Variants in DISC1 observed in about 807,000 individuals in gnomAD.
The protein encoded by DISC1 is disrupted in schizophrenia 1 protein.
In DISC1, 57 loss-of-function variants were observed where a neutral mutation model predicts 84.5. The ratio of observed to expected loss-of-function variants is 0.67; its 90% CI spans 0.55 to 0.84. The LOEUF is 0.84. Ranked by LOEUF, DISC1 falls within the 40% of genes least tolerant of loss-of-function variation. The pLI is 0.00. For missense variants in DISC1, 1,000 were observed against 1,057.8 expected, an observed-to-expected ratio of 0.95 and a Z score of 0.76; for synonymous variants, 411 against 415.2, an observed-to-expected ratio of 0.99 and a Z score of 0.12.
intron 9 of DISC1, among the ~76,000 whole-genome samples, chr1:231,887,083 A>T (rs189117813): frequency 7.2e-5 from 11 of 151,784 alleles, no homozygotes; most frequent in African/African-American, 2.7e-4. Flanking sequence ...GATGGTCTCG[A>T]TCTCTTGACC....
rs573566451 is a variant in DISC1, at chr1:231,678,167, C to T, written c.68-15659C>T. Among the ~76,000 whole-genome samples, 14 of 152,130 alleles carry T rather than the reference C, an allele frequency of 9.2e-5. No individual in the cohort carries two copies. In the South Asian group the frequency reaches 1.7e-3, roughly 18 times the overall value. On this transcript the variant is annotated intron_variant, in intron 1 of 12. Transcript: ENST00000439617. ...CAGGAAGGCAAGACTGGAATGAGAT[C>T]GTAAATAAAAAAATGGACATCTAAT... is the stretch of plus-strand genomic sequence containing the variant.
chr1:231,642,543 T>C lies in DISC1; in HGVS notation c.67+15609T>C, dbSNP rs547083112. On this transcript the variant is annotated intron_variant, in intron 1 of 12. Transcript: ENST00000439617. Reference sequence around the variant, plus strand: ...TTGATACCAAATGTATCATGGACAGTGAAGGCTGTGTAACAACACATATAG... The same window carrying C: ...TTGATACCAAATGTATCATGGACAGCGAAGGCTGTGTAACAACACATATAG... Among the ~76,000 whole-genome samples, 7 of 152,298 alleles carry C rather than the reference T, an allele frequency of 4.6e-5. No individual in the cohort carries two copies. In the East Asian group the frequency reaches 1.4e-3, roughly 29 times the overall value.
chr1:231,897,502 A>T lies in DISC1; in HGVS notation c.1982-61326A>T, dbSNP rs893470135. Reference sequence around the variant, plus strand: ...TTCTTTCACACATACAGCGCAGACTAAATCGTCTTTTTCTTTATCTTTTTT... The same window carrying T: ...TTCTTTCACACATACAGCGCAGACTTAATCGTCTTTTTCTTTATCTTTTTT... On this transcript the variant is annotated intron_variant, in intron 9 of 12. Coordinates refer to ENST00000439617, the MANE Select transcript of DISC1 (RefSeq NM_018662.3). This position sits in a 1 kb window ranked among gnomAD's most constrained non-coding sequence, Gnocchi z 4.5. 2.6e-5 allele frequency among the ~76,000 whole-genome samples: 4 copies of T among 152,184 alleles called. No homozygotes were observed. The highest frequency in any genetic ancestry group is 9.6e-5 in the African/African-American group (4 of 41,454).
At chr1:231,999,771 G>A (rs531366382) in intron 10 of DISC1, among the ~76,000 whole-genome samples, 155 of 151,876 alleles carry the variant, frequency 1.0e-3, no homozygotes, top group Non-Finnish European at 1.9e-3. Context: ...CACCATCAGG[G>A]ACCAGTGGAA....
chr1:232,012,224 G>A (rs821630), intron 11 of DISC1, among the ~76,000 whole-genome samples: 45,801 of 152,074 alleles, frequency 0.3, 7,192 homozygotes, highest in Non-Finnish European at 0.31. Context: ...GAGTTTGGGG[G>A]TGCTTGAGAT....
chr1:231,951,667 CTCTT>C (rs1373496502), intron 9 of DISC1, among the ~76,000 whole-genome samples: 1 of 152,166 alleles, frequency 6.6e-6, no homozygotes, highest in Admixed American at 6.5e-5. Flanking sequence ...ATTGATGTGA[CTCTT>C]TCTGTTACCA....
At position 231,859,768 on chromosome 1, in the gene DISC1, G is replaced by A. The variant is rs185031090; in HGVS notation, c.1981+41251G>A. ...GTTTTTCTTCTTAAGAAAACAAGAAGCACGGGTAGATGATGGAGAGCATGA... is the reference window on the plus strand; with the variant it reads ...GTTTTTCTTCTTAAGAAAACAAGAAACACGGGTAGATGATGGAGAGCATGA... On this transcript the variant is annotated intron_variant, in intron 9 of 12. Coordinates refer to ENST00000439617, the MANE Select transcript of DISC1 (RefSeq NM_018662.3). 9.0e-4 allele frequency among the ~76,000 whole-genome samples: 137 copies of A among 152,262 alleles called. 2 individuals carry two copies. Among genetic ancestry groups the A allele is most frequent in the Non-Finnish European group, 1.5e-4 (10 of 68,026 alleles).
At chr1:231,783,878 G>T (rs756881697) in intron 6 of DISC1, among the ~76,000 whole-genome samples, 2 of 152,108 alleles carry the variant, frequency 1.3e-5, no homozygotes, top group South Asian at 4.1e-4. Flanking sequence ...AAATCCTTAC[G>T]TTCATTTTTT....
chr1:231,648,341 T>C (rs1470845917), intron 1 of DISC1, among the ~76,000 whole-genome samples: 2 of 152,214 alleles, frequency 1.3e-5, no homozygotes, highest in African/African-American at 2.4e-5. Context: ...ATTGGTTCTG[T>C]TTATGTGATG....
intron 3 of DISC1, among the ~76,000 whole-genome samples, chr1:231,724,938 T>G (rs937958997): frequency 8.5e-5 from 13 of 152,200 alleles, no homozygotes; most frequent in African/African-American, 3.1e-4. Context: ...TCTACAGGAT[T>G]TGGTCTACAT....
intron 9 of DISC1, among the ~76,000 whole-genome samples, chr1:231,953,314 G>T (rs1205322094): frequency 3.9e-5 from 6 of 152,106 alleles, no homozygotes; most frequent in South Asian, 2.1e-4. Flanking sequence ...TTGCCCTTCA[G>T]TGTGAAATTT....
At chr1:231,862,576 G>T (rs756137671) in intron 9 of DISC1, among the ~76,000 whole-genome samples, 1 of 152,102 alleles carries the variant, frequency 6.6e-6, no homozygotes, top group South Asian at 2.1e-4. Context: ...CTTAAGGGTG[G>T]TATCCAGACA....
At chr1:231,885,288 A>G (rs1324141046) in intron 9 of DISC1, among the ~76,000 whole-genome samples, 9 of 152,190 alleles carry the variant, frequency 5.9e-5, no homozygotes, top group African/African-American at 2.2e-4. Context: ...GGGAAGGATT[A>G]ATTGGATTTT....
chr1:232,010,549 G>C (rs1187516363), intron 11 of DISC1, among the ~76,000 whole-genome samples: 1 of 152,128 alleles, frequency 6.6e-6, no homozygotes, highest in Non-Finnish European at 1.5e-5. Context: ...GGAGAAAAAT[G>C]AATATCTTTC....
chr1:231,674,125 G>A (rs1393933337), intron 1 of DISC1, among the ~76,000 whole-genome samples: 6 of 152,152 alleles, frequency 3.9e-5, no homozygotes, highest in African/African-American at 1.4e-4. Flanking sequence ...CAGTTTTGGC[G>A]AGGATTAAAT....
chr1:231,660,171 A>G (rs2061456933), intron 1 of DISC1, among the ~76,000 whole-genome samples: 1 of 151,436 alleles, frequency 6.6e-6, no homozygotes, highest in South Asian at 2.1e-4. Context: ...TATTGGATGC[A>G]TATATATTTA....
At position 231,808,645 on chromosome 1, in the gene DISC1, G is replaced by A. The variant is rs146468865; in HGVS notation, c.1792+8435G>A. Among the ~76,000 whole-genome samples the A allele has an allele frequency of 1.7e-3, 254 of 152,320 alleles. 1 individual carries two copies. Among genetic ancestry groups the A allele is most frequent in the African/African-American group, 5.8e-3 (242 of 41,578 alleles). On this transcript the variant is annotated intron_variant, in intron 8 of 12. Transcript: ENST00000439617. ...TTTCATAGGATGCTGCTTTTACCTG[G>A]TAGATGGCCCAATGCCTAGTTGTCT...
intron 10 of DISC1, among the ~76,000 whole-genome samples, chr1:231,995,920 A>T (rs1665890775): frequency 6.6e-6 from 1 of 151,796 alleles, no homozygotes; most frequent in Non-Finnish European, 1.5e-5. Flanking sequence ...CGCCACACTG[A>T]CTTCCACAAT....
chr1:231,654,232 C>T (rs975455275), intron 1 of DISC1, among the ~76,000 whole-genome samples: 1 of 152,024 alleles, frequency 6.6e-6, no homozygotes, highest in Non-Finnish European at 1.5e-5. Flanking sequence ...AATAGACAAA[C>T]GTCTTTAAAA....
Sources: allele counts gnomAD v4.1 joint callset (sites outside exome capture counted in the v4.1 genomes callset), GRCh38; gene constraint gnomAD v4.1.1; non-coding constraint Gnocchi (gnomAD v3.1); transcripts MANE v1.5; gene names NCBI Gene and HGNC (gene_info 2026-07-23, HGNC 2026-07-21).